The following EBF1 variants were observed in gnomAD, a reference collection of about 807,000 sequenced individuals.
EBF1 encodes the protein EBF transcription factor 1.
A neutral mutation model predicts 68.4 loss-of-function variants in EBF1; 10 were observed. The observed-to-expected ratio is 0.15, with a 90% CI of 0.09 to 0.25. The LOEUF (loss-of-function observed/expected upper bound fraction) is 0.25, where lower values mean the gene tolerates loss of function less well. Ranked by LOEUF, EBF1 falls within the 10% of genes least tolerant of loss-of-function variation. The pLI is 1.00. For synonymous variants in EBF1, 298 were observed against 299.8 expected (o/e 0.99, Z 0.06); for missense variants, 509 against 794.4 (o/e 0.64, Z 4.32).
rs149500320 is a variant in EBF1 at position 158,854,713 on chromosome 5, G to T, written c.555-14603C>A. 3.5e-3 allele frequency among the ~76,000 whole-genome samples: 526 copies of T among 152,314 alleles called. 5 individuals are homozygous for T. Among genetic ancestry groups the T allele is most frequent in the African/African-American group, 0.012 (504 of 41,570 alleles). The stretch of plus-strand genomic sequence containing the variant: ...AAAGAGACTGTGGCCTCAAAAGTCA[G>T]CAATTTGGAACTCTCTGTATGAAAG... On this transcript the variant is annotated intron_variant, in intron 6 of 15. Transcript: ENST00000313708.
chr5:158,889,162 C>G (rs1183668718), intron 6 of EBF1, among the ~76,000 whole-genome samples: 2 of 152,098 alleles, frequency 1.3e-5, no homozygotes, highest in African/African-American at 4.8e-5. Flanking sequence ...TTCTATAATG[C>G]TAATTTAAAC....
Position 158,696,830 on chromosome 5 carries a change from C to G in EBF1, c.*2281G>C, listed in dbSNP as rs1227047370. ...CAGCATTGTTGTAAATGATTTCTTGCTCTACTAGAAAAAGTTACATTGTCT... is the reference window on the plus strand; with the variant it reads ...CAGCATTGTTGTAAATGATTTCTTGGTCTACTAGAAAAAGTTACATTGTCT... On this transcript the variant is annotated 3_prime_UTR_variant, in exon 16 of 16. Coordinates refer to ENST00000313708, the MANE Select transcript of EBF1 (RefSeq NM_024007.5). 1 of 193,980 alleles carries G rather than the reference C, an allele frequency of 5.2e-6. No homozygotes were observed. The highest frequency in any genetic ancestry group is 1.1e-5 in the Non-Finnish European group (1 of 94,804). The allele number at this position is 193,980 out of a possible 1,614,324, so 12.0% of individuals were successfully genotyped here.
chr5:158,914,247 C>T (rs914145639), intron 6 of EBF1, among the ~76,000 whole-genome samples: 4 of 152,042 alleles, frequency 2.6e-5, no homozygotes, highest in Admixed American at 1.3e-4. Context: ...TCCTGTTACC[C>T]GAGACCTGGA....
intron 6 of EBF1, among the ~76,000 whole-genome samples, chr5:158,988,692 G>T (rs1231058578): frequency 1.1e-4 from 17 of 152,122 alleles, no homozygotes. Context: ...TTCTGAGTCT[G>T]CTTCCCGAAC....
chr5:158,782,259 G>T (rs1776584460), intron 9 of EBF1, among the ~76,000 whole-genome samples: 1 of 152,078 alleles, frequency 6.6e-6, no homozygotes, highest in Non-Finnish European at 1.5e-5. Flanking sequence ...ATAATACTTA[G>T]CAGCCTATTT....
intron 6 of EBF1, among the ~76,000 whole-genome samples, chr5:159,064,956 T>C (rs1402065593): frequency 1.4e-5 from 2 of 138,316 alleles, no homozygotes; most frequent in African/African-American, 2.7e-5. Flanking sequence ...TGTGTGTATG[T>C]GCGTATGTGT....
chr5:159,001,801 A>AT (rs1762595309), intron 6 of EBF1, among the ~76,000 whole-genome samples: 1 of 152,214 alleles, frequency 6.6e-6, no homozygotes, highest in Non-Finnish European at 1.5e-5. Context: ...TGATACAGTG[A>AT]TTTCACCAGG....
intron 6 of EBF1, chr5:158,984,850 A>C (rs1758705509): frequency 1.3e-5 from 2 of 151,654 alleles, no homozygotes; most frequent in Admixed American, 6.6e-5. Context: ...CGCCCGGCTA[A>C]TTTTTTGTAT....
chr5:158,762,238 A>C (rs114653222), intron 10 of EBF1, among the ~76,000 whole-genome samples: 2,949 of 152,340 alleles, frequency 0.019, 42 homozygotes, highest in Non-Finnish European at 0.034. Context: ...TTCTTAGAAG[A>C]AAGCAGCGGG....
intron 8 of EBF1, among the ~76,000 whole-genome samples, chr5:158,816,582 G>A (rs1376361807): frequency 6.6e-6 from 1 of 152,132 alleles, no homozygotes; most frequent in Admixed American, 6.5e-5. Context: ...GAGAAATTTG[G>A]GAGGGTATAT....
At chr5:159,068,371 GTGGATGGATGGATGGATGGA>G (rs71851703) in intron 6 of EBF1, among the ~76,000 whole-genome samples, 1 of 149,790 alleles carries the variant, frequency 6.7e-6, no homozygotes, top group Non-Finnish European at 1.5e-5. Context: ...ATGTGGGTGG[GTGGATGGATGGATGGATGGA>G]TGGATGGATG....
Position 159,099,448 on chromosome 5 carries a change from T to G in EBF1, c.31A>C (p.Ser11Arg). MFGIQESIQR[S>R]GSSMKEEPLG... ...GGCTCTTCCTTCATGCTGCTTCCAC[T>G]CCGTTGGATGCTTTCCTGAATCCCA... The change falls in exon 1 of 16, where the codon AGT (serine) becomes CGT (arginine). Residue 11 changes from serine (S) to arginine (R), a missense_variant. Ser to Arg is a moderately radical substitution (Grantham distance 110, BLOSUM62 -1). Coordinates refer to ENST00000313708, the MANE Select transcript of EBF1 (RefSeq NM_024007.5). 3 of 1,596,124 alleles carry G rather than the reference T, an allele frequency of 1.9e-6. No individual in the cohort carries two copies. Among genetic ancestry groups the G allele is most frequent in the Non-Finnish European group, 2.6e-6 (3 of 1,172,040 alleles).
At chr5:158,892,805 A>G (rs892330885) in intron 6 of EBF1, among the ~76,000 whole-genome samples, 4 of 152,206 alleles carry the variant, frequency 2.6e-5, no homozygotes, top group African/African-American at 9.6e-5. Flanking sequence ...AAAAGAAAGA[A>G]GTGGTGCACT....
intron 6 of EBF1, among the ~76,000 whole-genome samples, chr5:158,956,671 G>A (rs1168157574): frequency 5.9e-5 from 9 of 151,716 alleles, no homozygotes. Flanking sequence ...ATTATAGAAA[G>A]GTTCCAATGG....
intron 8 of EBF1, among the ~76,000 whole-genome samples, chr5:158,796,708 A>G (rs755684927): frequency 6.6e-6 from 1 of 152,208 alleles, no homozygotes; most frequent in Non-Finnish European, 1.5e-5. Flanking sequence ...TTTTACCCAA[A>G]TCTTTATCAA....
rs150766853 is a variant in EBF1 at position 158,947,424 on chromosome 5, G to A, written c.555-107314C>T. Reference sequence around the variant, plus strand: ...CATCCCTCACAGCAGGGTCCCTCACGGCTTCCCTTGGCTAGGGGAGGGAGT... The same window carrying A: ...CATCCCTCACAGCAGGGTCCCTCACAGCTTCCCTTGGCTAGGGGAGGGAGT... On this transcript the variant is annotated intron_variant, in intron 6 of 15. Coordinates refer to ENST00000313708, the MANE Select transcript of EBF1 (RefSeq NM_024007.5). Among the ~76,000 whole-genome samples, 804 of 152,272 alleles carry A rather than the reference G, an allele frequency of 5.3e-3. 4 individuals are homozygous for A. The highest frequency in any genetic ancestry group is 7.3e-3 in the Non-Finnish European group (495 of 67,998).
Position 159,030,699 on chromosome 5 carries a change from C to T in EBF1, c.554+42697G>A, listed in dbSNP as rs189450280. 3.9e-5 allele frequency among the ~76,000 whole-genome samples: 6 copies of T among 152,300 alleles called. No individual in the cohort carries two copies. In the East Asian group the frequency reaches 1.2e-3, roughly 29 times the overall value. On this transcript the variant is annotated intron_variant, in intron 6 of 15. Coordinates refer to ENST00000313708, the MANE Select transcript of EBF1 (RefSeq NM_024007.5). ...GAAGTCTGGGTCGCAGAAGCATGGA[C>T]ACTCCTGAGCACATTAAAGGAATAT...
chr5:158,751,896 G>A (rs1768979750), intron 10 of EBF1, among the ~76,000 whole-genome samples: 1 of 152,012 alleles, frequency 6.6e-6, no homozygotes, highest in Non-Finnish European at 1.5e-5. Context: ...TTTCAGTTGA[G>A]CTTAAGTCGA....
chr5:158,761,866 A>G (rs1434635175), intron 10 of EBF1, among the ~76,000 whole-genome samples: 2 of 152,202 alleles, frequency 1.3e-5, no homozygotes, highest in Admixed American at 6.5e-5. Context: ...ATAATTTTAT[A>G]CGGGCTCTTC....
Sources: gnomAD v4.1 joint callset for allele counts (sites outside exome capture counted in the v4.1 genomes callset) on GRCh38, gnomAD v4.1.1 for gene constraint, MANE v1.5 for transcripts, NCBI Gene and HGNC (gene_info 2026-07-23, HGNC 2026-07-21) for gene names.